The following CCDC171 variants were observed in gnomAD, a reference collection of about 807,000 sequenced individuals.
The protein encoded by CCDC171 is coiled-coil domain containing 171.
Under a neutral mutation model 168.2 loss-of-function variants are expected in CCDC171, and 177 were observed. The ratio of observed to expected loss-of-function variants is 1.05; its 90% CI spans 0.93 to 1.19. CCDC171 has a LOEUF of 1.19. Among genes scored for constraint, CCDC171 ranks in the 50% most tolerant of loss-of-function variants. CCDC171 has a pLI of 0.00. For missense variants in CCDC171, 1,991 were observed against 1,539.0 expected, an observed-to-expected ratio of 1.29 and a Z score of -4.91; for synonymous variants, 687 against 540.8, an observed-to-expected ratio of 1.27 and a Z score of -3.75.
intron 1 of CCDC171, among the ~76,000 whole-genome samples, chr9:16,058,565 G>A (rs917777199): frequency 1.3e-5 from 2 of 152,218 alleles, no homozygotes; most frequent in African/African-American, 4.8e-5. Flanking sequence ...TGCATAAAGA[G>A]GGACTTTGCA....
chr9:15,908,098 G>T (rs919506748), intron 24 of CCDC171, among the ~76,000 whole-genome samples: 4 of 151,354 alleles, frequency 2.6e-5, no homozygotes, highest in African/African-American at 7.3e-5. Flanking sequence ...TCAATGTGGC[G>T]ATTCCTCAGG....
chr9:15,908,786 G>T (rs533614025), intron 24 of CCDC171, among the ~76,000 whole-genome samples: 2 of 152,162 alleles, frequency 1.3e-5, no homozygotes, highest in Admixed American at 1.3e-4. Flanking sequence ...GAGCAGGCAC[G>T]TCAGTAGGCA....
At chr9:15,638,971 G>C (rs2046398253) in intron 7 of CCDC171, among the ~76,000 whole-genome samples, 1 of 151,994 alleles carries the variant, frequency 6.6e-6, no homozygotes, top group South Asian at 2.1e-4. Context: ...GAGAACTGAA[G>C]AATCTTCTGA....
chr9:15,932,866 G>C (rs906199922), intron 25 of CCDC171, among the ~76,000 whole-genome samples: 5 of 151,638 alleles, frequency 3.3e-5, no homozygotes, highest in African/African-American at 1.2e-4. Flanking sequence ...ATCATATTTT[G>C]TCTTTATGTT....
Position 15,583,248 on chromosome 9 carries a change from C to T in CCDC171, c.352+4225C>T, listed in dbSNP as rs973772232. On this transcript the variant is annotated intron_variant, in intron 4 of 25. Coordinates refer to ENST00000380701, the MANE Select transcript of CCDC171 (RefSeq NM_173550.4). ...TGGCCAAGGTGGTGGAACCCCGTCT[C>T]TACTAAAAATACAAAAATTAGCTGG... Among the ~76,000 whole-genome samples the T allele has an allele frequency of 1.3e-5, 2 of 151,898 alleles. 1 individual carries two copies. The highest frequency in any genetic ancestry group is 4.8e-5 in the African/African-American group (2 of 41,356).
At chr9:15,568,623 C>T (rs528818132) in intron 2 of CCDC171, among the ~76,000 whole-genome samples, 1 of 152,282 alleles carries the variant, frequency 6.6e-6, no homozygotes, top group East Asian at 1.9e-4. Flanking sequence ...GATGGTATCT[C>T]ATTGTGGTTT....
At chr9:15,892,691 A>C (rs958011348) in intron 24 of CCDC171, among the ~76,000 whole-genome samples, 5 of 152,124 alleles carry the variant, frequency 3.3e-5, no homozygotes, top group South Asian at 2.1e-4. Flanking sequence ...GTTGCTGCAA[A>C]AAACAAACAA....
chr9:15,919,954 A>T (rs561464864), intron 24 of CCDC171, among the ~76,000 whole-genome samples: 27 of 151,660 alleles, frequency 1.8e-4, no homozygotes, highest in Admixed American at 4.6e-4. Context: ...GTCAAATTAC[A>T]ACTTGAATTT....
intron 3 of CCDC171, among the ~76,000 whole-genome samples, chr9:16,010,586 C>G (rs1483383204): frequency 1.3e-5 from 2 of 152,154 alleles, no homozygotes; most frequent in African/African-American, 4.8e-5. Context: ...GCCCACTCAG[C>G]TCTTTTCCTT....
At chr9:16,036,741 G>A (rs541749710) in intron 8 of CCDC171, among the ~76,000 whole-genome samples, 1 of 152,372 alleles carries the variant, frequency 6.6e-6, no homozygotes, top group South Asian at 2.1e-4. Flanking sequence ...AGAATCCAAT[G>A]CCTTACTTGG....
intron 21 of CCDC171, among the ~76,000 whole-genome samples, chr9:15,798,116 A>G (rs1420788141): frequency 6.6e-6 from 1 of 151,908 alleles, no homozygotes; most frequent in African/African-American, 2.4e-5. Context: ...TTTTTTTGGA[A>G]CTGTATTTGC....
intron 3 of CCDC171, among the ~76,000 whole-genome samples, chr9:16,003,248 A>G (rs1418613807): frequency 6.6e-6 from 1 of 152,214 alleles, no homozygotes; most frequent in Non-Finnish European, 1.5e-5. Context: ...TGTCTCTCGA[A>G]TAATATCCAC....
chr9:15,890,717 T>C (rs1404270955), intron 24 of CCDC171, among the ~76,000 whole-genome samples: 1 of 152,138 alleles, frequency 6.6e-6, no homozygotes, highest in East Asian at 1.9e-4. Context: ...ATTTATTAAA[T>C]ATGTGCAATT....
chr9:15,877,168 C>T (rs1815697), intron 24 of CCDC171, among the ~76,000 whole-genome samples: 118,902 of 151,862 alleles, frequency 0.78, 47,253 homozygotes, highest in East Asian at 0.85. Context: ...TCCCCTCCAA[C>T]TTTCTTAGCT....
At chr9:16,029,038 A>G (rs1328276) in intron 6 of CCDC171, among the ~76,000 whole-genome samples, 56,106 of 151,862 alleles carry the variant, frequency 0.37, 12,241 homozygotes, top group East Asian at 0.63. Flanking sequence ...CTTCTTCTGA[A>G]AAGACCCAGA....
intron 24 of CCDC171, among the ~76,000 whole-genome samples, chr9:15,908,490 C>G (rs1225823928): frequency 6.8e-6 from 1 of 147,770 alleles, no homozygotes; most frequent in African/African-American, 2.5e-5. Context: ...GAACATCACA[C>G]ACTGGGGCCT....
intron 11 of CCDC171, among the ~76,000 whole-genome samples, chr9:15,701,577 A>ATTT (rs71304894): frequency 8.8e-4 from 107 of 122,086 alleles, no homozygotes; most frequent in Non-Finnish European, 1.2e-3. Context: ...GTACAATTCC[A>ATTT]TTTTTTTTTT....
chr9:15,557,833 T>C (rs939092103), intron 1 of CCDC171, among the ~76,000 whole-genome samples: 35 of 152,192 alleles, frequency 2.3e-4, no homozygotes, highest in African/African-American at 5.8e-4. Context: ...AAAGGGAATG[T>C]TTCCAGTTTT....
At chr9:16,095,458 CTT>C in the CCDC171 span, among the ~76,000 whole-genome samples, 22 of 152,058 alleles carry the variant, frequency 1.4e-4, no homozygotes, top group Admixed American at 8.5e-4. Flanking sequence ...TCCACACTTT[CTT>C]TCTCTCTCCC....
Sources: gnomAD v4.1 joint callset for allele counts (sites outside exome capture counted in the v4.1 genomes callset) on GRCh38, gnomAD v4.1.1 for gene constraint, MANE v1.5 for transcripts, NCBI Gene and HGNC (gene_info 2026-07-23, HGNC 2026-07-21) for gene names.